Variants in HCFC2 observed in about 807,000 individuals in gnomAD.
HCFC2 encodes host cell factor C2.
A neutral mutation model predicts 89.2 loss-of-function variants in HCFC2; 18 were observed. The ratio of observed to expected loss-of-function variants is 0.20; its 90% CI spans 0.14 to 0.30. HCFC2 has a LOEUF of 0.30. Ranked by LOEUF, HCFC2 falls within the 10% of genes least tolerant of loss-of-function variation. HCFC2 has a pLI of 1.00. For missense variants in HCFC2, 578 were observed against 956.1 expected, an observed-to-expected ratio of 0.60 and a Z score of 5.21; for synonymous variants, 308 against 335.7, an observed-to-expected ratio of 0.92 and a Z score of 0.90.
chr12:104,076,549 C>A (rs1412653558), intron 3 of HCFC2, among the ~76,000 whole-genome samples: 1 of 152,190 alleles, frequency 6.6e-6, no homozygotes, highest in Non-Finnish European at 1.5e-5. Flanking sequence ...TTAATATTAT[C>A]CTTGATTTTC....
chr12:104,094,123 G>A (rs1320879994), intron 10 of HCFC2, among the ~76,000 whole-genome samples: 1 of 152,132 alleles, frequency 6.6e-6, no homozygotes, highest in Non-Finnish European at 1.5e-5. Context: ...ACAGATTTTG[G>A]AAAAGATAGG....
At position 104,064,638 on chromosome 12, in the gene HCFC2, C is replaced by T; in HGVS notation, c.78C>T (p.His26=). 6.3e-7 allele frequency: 1 copy of T among 1,580,366 alleles called. No individual in the cohort carries two copies. The highest frequency in any genetic ancestry group is 1.1e-5 in the South Asian group (1 of 87,506). ...TGPVPRARHG[H]RAVAIRELMI... ...CGGTCCCCCGCGCCCGGCACGGACA[C>T]CGAGCGGTGGCCATCCGGGAGCTGA... Residue 26 remains histidine (H), a synonymous_variant, in exon 1 of 15, where the codon CAC becomes CAT. Transcript: ENST00000229330. This position sits in a 1 kb window ranked among gnomAD's most constrained non-coding sequence, Gnocchi z 7.3.
At chr12:104,082,956 T>G in intron 7 of HCFC2, 55 bp downstream of exon 7, 4 of 1,323,970 alleles carry the variant, frequency 3.0e-6, no homozygotes, top group Non-Finnish European at 3.1e-6. Flanking sequence ...CACTCAAATG[T>G]CTGCCTTTTG....
Position 104,105,682 on chromosome 12 carries a change from T to C in HCFC2, c.*2409T>C, listed in dbSNP as rs906184573. ...AATGCCATTAAGAAATCTCTGTGGC[T>C]TTGACATTAGTAGTTAATAAGAGAT... On this transcript the variant is annotated 3_prime_UTR_variant, in exon 15 of 15. Transcript: ENST00000229330. 2.0e-5 allele frequency: 3 copies of C among 152,004 alleles called. No homozygotes were observed. The highest frequency in any genetic ancestry group is 7.2e-5 in the African/African-American group (3 of 41,432). The allele number at this position is 152,004 out of a possible 1,614,324, so 9.4% of individuals were successfully genotyped here.
chr12:104,070,038 T>G (rs1883271072), intron 3 of HCFC2, among the ~76,000 whole-genome samples: 1 of 152,170 alleles, frequency 6.6e-6, no homozygotes, highest in Non-Finnish European at 1.5e-5. Context: ...CTCTTTTTTT[T>G]TTGAGACAGA....
intron 3 of HCFC2, among the ~76,000 whole-genome samples, chr12:104,074,852 C>G (rs970972288): frequency 6.6e-6 from 1 of 152,084 alleles, no homozygotes; most frequent in Non-Finnish European, 1.5e-5. Context: ...ATGGAAAGCC[C>G]TCCATCTTTT....
At chr12:104,073,228 G>A (rs1366569966) in intron 3 of HCFC2, among the ~76,000 whole-genome samples, 2 of 148,136 alleles carry the variant, frequency 1.4e-5, no homozygotes, top group Non-Finnish European at 1.5e-5. Context: ...GCAGTGGAGC[G>A]ATCTCGGCTC....
rs1322211511 is a variant in HCFC2 at position 104,103,300 on chromosome 12, G to A, written c.*27G>A. 1.3e-6 allele frequency: 2 copies of A among 1,544,894 alleles called. No homozygotes were observed. The highest frequency in any genetic ancestry group is 2.7e-5 in the African/African-American group (2 of 73,216). On this transcript the variant is annotated 3_prime_UTR_variant, in exon 15 of 15. Transcript: ENST00000229330. ...TTGGTTTTTTTACTGAAGCTATTGTGATGATGATTATTTATTAGTAACTGG... is the reference window on the plus strand; with the variant it reads ...TTGGTTTTTTTACTGAAGCTATTGTAATGATGATTATTTATTAGTAACTGG...
rs1884175506 is a variant in HCFC2 at position 104,096,302 on chromosome 12, A to G, written c.1667-58A>G. ...CATTAAATATATATTTAAAAATTAT[A>G]TTTTAATGTATCTGATAAGTTATGT... On this transcript the variant is annotated intron_variant, in intron 11 of 14. Transcript: ENST00000229330. 4.3e-6 allele frequency: 5 copies of G among 1,166,176 alleles called. No individual in the cohort carries two copies. The South Asian group carries it at 6.6e-5, about 15-fold the overall frequency. 72.2% of individuals were successfully genotyped at this position (1,166,176 alleles called of 1,614,324 possible).
In HCFC2 at chr12:104,085,438, TG is replaced by T. The variant is rs1404111880; in HGVS notation, c.1064-1408del. Among the ~76,000 whole-genome samples the T allele has an allele frequency of 2.0e-5, 3 of 152,284 alleles. No individual in the cohort carries two copies. In the South Asian group the frequency reaches 6.2e-4, roughly 32 times the overall value. Reference sequence around the variant, plus strand: ...ATAAGCTTCAGTCTCTGAAATTGGATGAAAAAAATGTGTATGACTGAATTTT... The same window carrying T: ...ATAAGCTTCAGTCTCTGAAATTGGATAAAAAAATGTGTATGACTGAATTTT... On this transcript the variant is annotated intron_variant, in intron 7 of 14. Coordinates refer to ENST00000229330, the MANE Select transcript of HCFC2 (RefSeq NM_013320.3).
At position 104,105,893 on chromosome 12, in the gene HCFC2, G is replaced by A. The variant is rs2030073442; in HGVS notation, c.*2620G>A. On this transcript the variant is annotated 3_prime_UTR_variant, in exon 15 of 15. Transcript: ENST00000229330. Reference sequence around the variant, plus strand: ...GACTTTCTTTACTCTTCCCAGTCAGGTAAGCAGTTCAAATATAACAAGACT... The same window carrying A: ...GACTTTCTTTACTCTTCCCAGTCAGATAAGCAGTTCAAATATAACAAGACT... The A allele has an allele frequency of 6.6e-6, 1 of 152,052 alleles. No individual in the cohort carries two copies. Among genetic ancestry groups the A allele is most frequent in the Admixed American group, 6.5e-5 (1 of 15,270 alleles). The allele number at this position is 152,052 out of a possible 1,614,324, so 9.4% of individuals were successfully genotyped here.
At chr12:104,075,436 C>T (rs1181966963) in intron 3 of HCFC2, among the ~76,000 whole-genome samples, 1 of 134,820 alleles carries the variant, frequency 7.4e-6, no homozygotes, top group Non-Finnish European at 1.6e-5. Context: ...TATTCCATTT[C>T]TTTCAACTTT....
chr12:104,081,607 T>G (rs562175556), intron 5 of HCFC2, among the ~76,000 whole-genome samples: 16 of 152,110 alleles, frequency 1.1e-4, no homozygotes, highest in African/African-American at 3.9e-4. Context: ...CTAGTTTTTT[T>G]TTTTTTTTTA....
intron 13 of HCFC2, 97 bp downstream of exon 13, chr12:104,098,577 A>G: frequency 1.6e-6 from 2 of 1,261,880 alleles, no homozygotes; most frequent in Non-Finnish European, 2.2e-6. Context: ...AAAATTAAGA[A>G]TGAGATTTCT....
In HCFC2 at chr12:104,064,859, T is replaced by C. The variant is rs1266747660; in HGVS notation, c.163+136T>C. On this transcript the variant is annotated intron_variant, in intron 1 of 14. Transcript: ENST00000229330. This position sits in a 1 kb window ranked among gnomAD's most constrained non-coding sequence, Gnocchi z 7.3. ...TTGGGCGGGCGGCGGGGAGCGCGGC[T>C]CAGCCGGGCAGCCCGGGTCCGGCAG... The C allele has an allele frequency of 1.3e-6, 1 of 768,070 alleles. No homozygotes were observed. Among genetic ancestry groups the C allele is most frequent in the Non-Finnish European group, 1.9e-6 (1 of 533,510 alleles). The allele number at this position is 768,070 out of a possible 1,614,324, so 47.6% of individuals were successfully genotyped here.
Position 104,064,811 on chromosome 12 carries a change from G to C in HCFC2, c.163+88G>C. On this transcript the variant is annotated intron_variant, in intron 1 of 14. Transcript: ENST00000229330. This position sits in a 1 kb window ranked among gnomAD's most constrained non-coding sequence, Gnocchi z 7.3. ...GGCGGCGGCCGCGGCCCTGACAGCT[G>C]TCACCGCCCGGTCACTGCTTCCTTG... 2 of 1,255,588 alleles carry C rather than the reference G, an allele frequency of 1.6e-6. No individual in the cohort carries two copies. The highest frequency in any genetic ancestry group is 2.1e-6 in the Non-Finnish European group (2 of 945,860). The allele number at this position is 1,255,588 out of a possible 1,614,324, so 77.8% of individuals were successfully genotyped here. A position where few individuals can be genotyped will look rare whatever the true frequency, so the allele number is the denominator to read the frequency against.
intron 13 of HCFC2, among the ~76,000 whole-genome samples, chr12:104,099,550 A>G (rs1461097606): frequency 1.3e-5 from 2 of 151,952 alleles, no homozygotes; most frequent in Non-Finnish European, 2.9e-5. Context: ...GCAGTGCAGT[A>G]TGATAGCACC....
At chr12:104,082,071 T>A (rs1449117170) in intron 5 of HCFC2, among the ~76,000 whole-genome samples, 4 of 152,168 alleles carry the variant, frequency 2.6e-5, no homozygotes, top group Non-Finnish European at 4.4e-5. Context: ...CAGTTTAAAG[T>A]TTTTTGTTTA....
chr12:104,082,684 A>G (rs375480822), intron 6 of HCFC2, 29 bp from the exon 7 acceptor site: 2 of 1,593,088 alleles, frequency 1.3e-6, no homozygotes, highest in Non-Finnish European at 1.7e-6. Flanking sequence ...AGAACAAAAG[A>G]TTAGTCATGG....
Sources: gnomAD v4.1 joint callset for allele counts (sites outside exome capture counted in the v4.1 genomes callset) on GRCh38, gnomAD v4.1.1 for gene constraint, Gnocchi (gnomAD v3.1) non-coding constraint, MANE v1.5 for transcripts, NCBI Gene and HGNC (gene_info 2026-07-23, HGNC 2026-07-21) for gene names.